Variants in GDPD4 observed in about 807,000 individuals in gnomAD.
GDPD4 encodes the protein glycerophosphodiester phosphodiesterase 6.
A neutral mutation model predicts 67.8 loss-of-function variants in GDPD4; 60 were observed. The ratio of observed to expected loss-of-function variants is 0.88; its 90% CI spans 0.72 to 1.10. The LOEUF (loss-of-function observed/expected upper bound fraction) is 1.10, where lower values mean the gene tolerates loss of function less well. Among genes scored for constraint, GDPD4 ranks in the 50% least tolerant of loss-of-function variants. The pLI is 0.00. For missense variants in GDPD4, 623 were observed against 613.9 expected, an observed-to-expected ratio of 1.01 and a Z score of -0.16; for synonymous variants, 212 against 210.9, an observed-to-expected ratio of 1.00 and a Z score of -0.04.
chr11:77,245,440 C>T lies in GDPD4; in HGVS notation c.927G>A (p.Gln309=), dbSNP rs1160677297. 3 of 1,614,166 alleles carry T rather than the reference C, an allele frequency of 1.9e-6. No homozygotes were observed. Among genetic ancestry groups the T allele is most frequent in the Admixed American group, 3.3e-5 (2 of 60,014 alleles). The change falls in exon 12 of 17, where the codon CAG becomes CAA. Residue 309 remains glutamine, a synonymous_variant. Transcript: ENST00000315938. ...SEADKERARN[Q]SIPTLADLLT... ...ATAAATCAGCTAGTGTTGGAATTGA[C>T]TGATTTCTTGCTCTTTCTTTATCTG...
At chr11:77,235,177 G>A (rs1254783656) in intron 13 of GDPD4, among the ~76,000 whole-genome samples, 1 of 151,872 alleles carries the variant, frequency 6.6e-6, no homozygotes, top group African/African-American at 2.4e-5. Flanking sequence ...TTTGAGAAGT[G>A]TCTGTTCATA....
chr11:77,267,783 T>C (rs1414730235), intron 10 of GDPD4, among the ~76,000 whole-genome samples: 1 of 152,168 alleles, frequency 6.6e-6, no homozygotes, highest in Non-Finnish European at 1.5e-5. Context: ...ATTCTCCTCA[T>C]AGGGTCTTAG....
At chr11:77,239,823 G>T (rs1022315290) in intron 13 of GDPD4, among the ~76,000 whole-genome samples, 1 of 151,994 alleles carries the variant, frequency 6.6e-6, no homozygotes, top group African/African-American at 2.4e-5. Flanking sequence ...TTAGCAGGGT[G>T]CAGTGGTATG....
intron 11 of GDPD4, among the ~76,000 whole-genome samples, chr11:77,249,439 T>C (rs7925681): frequency 5.7e-4 from 87 of 152,136 alleles, no homozygotes; most frequent in African/African-American, 2.1e-3. Flanking sequence ...AGACTTCTGG[T>C]TTCTGGTTCC....
intron 10 of GDPD4, among the ~76,000 whole-genome samples, chr11:77,266,576 G>T (rs1959179135): frequency 6.6e-6 from 1 of 152,060 alleles, no homozygotes; most frequent in Non-Finnish European, 1.5e-5. Context: ...TCCTTCAGGA[G>T]GTATTCTAGA....
At chr11:77,220,623 A>G (rs1312814624) in intron 16 of GDPD4, among the ~76,000 whole-genome samples, 1 of 151,286 alleles carries the variant, frequency 6.6e-6, no homozygotes, top group Non-Finnish European at 1.5e-5. Context: ...TTTATTGAGG[A>G]TTTTCACATC....
intron 16 of GDPD4, 113 bp from the exon 17 acceptor site, chr11:77,217,427 G>A (rs1223874435): frequency 1.1e-5 from 10 of 890,448 alleles, no homozygotes; most frequent in Admixed American, 3.4e-5. Context: ...ACCCTTTCAG[G>A]TTCTTTCCTC....
chr11:77,266,194 G>A (rs549784632), intron 10 of GDPD4, among the ~76,000 whole-genome samples: 6 of 152,186 alleles, frequency 3.9e-5, no homozygotes, highest in African/African-American at 1.4e-4. Flanking sequence ...ACAATTTCTG[G>A]GGTGTATGGT....
In GDPD4 at chr11:77,246,843, T is replaced by C. The variant is rs755619365; in HGVS notation, c.865-1341A>G. Among the ~76,000 whole-genome samples, 6 of 152,186 alleles carry C rather than the reference T, an allele frequency of 3.9e-5. No individual in the cohort carries two copies. In the East Asian group the frequency reaches 5.8e-4, roughly 15 times the overall value. On this transcript the variant is annotated intron_variant, in intron 11 of 16. Coordinates refer to ENST00000315938, the MANE Select transcript of GDPD4 (RefSeq NM_182833.3). ...CACCTAACACATGGGAGAACACACA[T>C]ATGTTTGCTACATTAAATTTAATAG...
intron 5 of GDPD4, among the ~76,000 whole-genome samples, chr11:77,274,669 T>C (rs1959367625): frequency 1.3e-5 from 2 of 152,224 alleles, no homozygotes; most frequent in South Asian, 4.1e-4. Flanking sequence ...TCTTTATAAA[T>C]TACCCAATCT....
rs1958763635 is a variant in GDPD4 at position 77,245,494 on chromosome 11, T to C, written c.873A>G (p.Pro291=). 2.5e-6 allele frequency: 4 copies of C among 1,612,446 alleles called. No individual in the cohort carries two copies. The highest frequency in any genetic ancestry group is 3.4e-6 in the Non-Finnish European group (4 of 1,178,776). Residue 291 remains proline, a synonymous_variant, in exon 12 of 17, where the codon CCA becomes CCG. Coordinates refer to ENST00000315938, the MANE Select transcript of GDPD4 (RefSeq NM_182833.3). ...GKWFVKPELR[P]FYNMKPLSEA... ...CTGATAGAGGTTTCATATTGTAAAA[T>C]GGCCTGAGCTAGAAACAAATACATC...
At chr11:77,246,240 T>C (rs1051437069) in intron 11 of GDPD4, among the ~76,000 whole-genome samples, 1 of 152,188 alleles carries the variant, frequency 6.6e-6, no homozygotes, top group Non-Finnish European at 1.5e-5. Flanking sequence ...TGAGCTATGA[T>C]TGTGCCATTG....
At chr11:77,274,027 T>C (rs1258938479) in intron 5 of GDPD4, among the ~76,000 whole-genome samples, 4 of 152,220 alleles carry the variant, frequency 2.6e-5, no homozygotes, top group African/African-American at 9.6e-5. Flanking sequence ...GTAGCAGTAC[T>C]TAACTGGCAC....
intron 11 of GDPD4, among the ~76,000 whole-genome samples, chr11:77,253,713 T>G (rs1958950031): frequency 6.6e-6 from 1 of 152,156 alleles, no homozygotes; most frequent in Non-Finnish European, 1.5e-5. Flanking sequence ...CTGACTGTTC[T>G]GAGCAGCCCA....
At chr11:77,244,302 G>T (rs1958737198) in intron 12 of GDPD4, among the ~76,000 whole-genome samples, 1 of 152,166 alleles carries the variant, frequency 6.6e-6, no homozygotes, top group African/African-American at 2.4e-5. Flanking sequence ...CAAGTGCTGG[G>T]ATTACAGGCG....
At chr11:77,243,576 G>T in intron 13 of GDPD4, 118 bp downstream of exon 13, 1 of 864,438 alleles carries the variant, frequency 1.2e-6, no homozygotes, top group South Asian at 1.5e-5. Context: ...AGATTCAAAG[G>T]AGATAACCAC....
chr11:77,217,095 C>T lies in GDPD4; in HGVS notation c.*182G>A, dbSNP rs1462552895. ...ATCGGTGGTTGAATCTCATGCTTGC[C>T]AGGCTTCAAAGGTGTGACAGCATTC... On this transcript the variant is annotated 3_prime_UTR_variant, in exon 17 of 17. Coordinates refer to ENST00000315938, the MANE Select transcript of GDPD4 (RefSeq NM_182833.3). 1.4e-6 allele frequency: 1 copy of T among 708,874 alleles called. No individual in the cohort carries two copies. Among genetic ancestry groups the T allele is most frequent in the South Asian group, 1.5e-5 (1 of 67,844 alleles). 43.9% of individuals were successfully genotyped at this position (708,874 alleles called of 1,614,324 possible). A position where few individuals can be genotyped will look rare whatever the true frequency, so the allele number is the denominator to read the frequency against.
At chr11:77,278,497 A>T (rs1185413981) in intron 4 of GDPD4, among the ~76,000 whole-genome samples, 2 of 152,190 alleles carry the variant, frequency 1.3e-5, no homozygotes, top group Non-Finnish European at 2.9e-5. Flanking sequence ...TGAAAACAGA[A>T]ATTGCTTAGC....
At chr11:77,234,125 T>C (rs947252376) in intron 13 of GDPD4, among the ~76,000 whole-genome samples, 1 of 152,204 alleles carries the variant, frequency 6.6e-6, no homozygotes. Context: ...TGAATCCCAG[T>C]TCTGTCATAT....
Sources: allele counts gnomAD v4.1 joint callset (sites outside exome capture counted in the v4.1 genomes callset), GRCh38; gene constraint gnomAD v4.1.1; transcripts MANE v1.5; gene names NCBI Gene and HGNC (gene_info 2026-07-23, HGNC 2026-07-21).